Variants in CEP295 observed in about 807,000 individuals in gnomAD.
CEP295 encodes centrosomal protein 295, also known as centrosomal protein of 295 kDa.
Under a neutral mutation model 291.6 loss-of-function variants are expected in CEP295, and 190 were observed. That is an observed-to-expected ratio of 0.65 (90% CI 0.58 to 0.73). CEP295 has a LOEUF of 0.73. Ranked by LOEUF, CEP295 falls within the 30% of genes least tolerant of loss-of-function variation. The pLI, the probability that CEP295 is intolerant of heterozygous loss-of-function variation, is 0.00. For synonymous variants in CEP295, 993 were observed against 1,038.8 expected, an observed-to-expected ratio of 0.96 and a Z score of 0.85; for missense variants, 2,863 against 2,949.4, an observed-to-expected ratio of 0.97 and a Z score of 0.68.
intron 6 of CEP295, among the ~76,000 whole-genome samples, chr11:93,676,531 G>A (rs367999959): frequency 2.6e-5 from 4 of 151,828 alleles, no homozygotes; most frequent in African/African-American, 9.7e-5. Flanking sequence ...TTAATAGCAG[G>A]TATTAAAATA....
chr11:93,665,163 T>G (rs1030539823), intron 1 of CEP295, among the ~76,000 whole-genome samples: 4 of 152,168 alleles, frequency 2.6e-5, no homozygotes, highest in Non-Finnish European at 5.9e-5. Flanking sequence ...TGCCTGGTCA[T>G]TGTGAGGGAG....
At chr11:93,664,992 T>C (rs1442679073) in intron 1 of CEP295, among the ~76,000 whole-genome samples, 2 of 152,154 alleles carry the variant, frequency 1.3e-5, no homozygotes, top group Non-Finnish European at 2.9e-5. Context: ...CAAGACAACA[T>C]AAAATTAGTC....
intron 9 of CEP295, among the ~76,000 whole-genome samples, chr11:93,685,609 A>G (rs973053444): frequency 2.6e-5 from 4 of 152,256 alleles, no homozygotes; most frequent in Admixed American, 2.0e-4. Flanking sequence ...AGATGGTTTC[A>G]GGGCTGACTT....
chr11:93,726,937 GT>G, intron 23 of CEP295, 38 bp from the exon 24 acceptor site: 1 of 1,438,490 alleles, frequency 7.0e-7, no homozygotes, highest in Non-Finnish European at 9.2e-7. Flanking sequence ...TTTACAACAT[GT>G]AACGATGATT....
chr11:93,695,757 T>C lies in CEP295; in HGVS notation c.1671+123T>C, dbSNP rs982753567. ...TGGGCGCGGTGGCTCATGCCTGTAA[T>C]CTCAGCACTTTGGGTGGCCGAGACA... On this transcript the variant is annotated intron_variant, in intron 13 of 29. Coordinates refer to ENST00000325212, the MANE Select transcript of CEP295 (RefSeq NM_033395.2). The C allele has an allele frequency of 7.7e-6, 9 of 1,161,960 alleles. No homozygotes were observed. In the African/African-American group the frequency reaches 1.5e-4, roughly 19 times the overall value. 72.0% of individuals were successfully genotyped at this position (1,161,960 alleles called of 1,614,324 possible).
Position 93,695,532 on chromosome 11 carries a change from G to T in CEP295, c.1569G>T (p.Leu523Phe), listed in dbSNP as rs1444187572. The change falls in exon 13 of 30, where the codon TTG (leucine) becomes TTT (phenylalanine). Residue 523 changes from leucine (L) to phenylalanine (F), a missense_variant. This residue lies in a region of CEP295 where 14 missense variants were observed against 37.7 expected (regional missense o/e 0.37). Transcript: ENST00000325212. Reference sequence around the variant, plus strand: ...TAGAAGAGCAGAAGCAAAAGCAATTGGAATTACTTGAACAAATTGAACAGC... The same window carrying T: ...TAGAAGAGCAGAAGCAAAAGCAATTTGAATTACTTGAACAAATTGAACAGC... ...MEIEEQKQKQ[L>F]ELLEQIEQQK... 1 of 1,467,914 alleles carries T rather than the reference G, an allele frequency of 6.8e-7. No homozygotes were observed. Among genetic ancestry groups the T allele is most frequent in the Non-Finnish European group, 8.9e-7 (1 of 1,118,732 alleles). 90.9% of individuals were successfully genotyped at this position (1,467,914 alleles called of 1,614,324 possible).
chr11:93,667,046 A>T (rs1216328392), intron 2 of CEP295, among the ~76,000 whole-genome samples: 7 of 152,238 alleles, frequency 4.6e-5, no homozygotes, highest in Non-Finnish European at 4.4e-5. Flanking sequence ...TATTGAAAAT[A>T]GCTCTTTATC....
At position 93,698,905 on chromosome 11, in the gene CEP295, A is replaced by C; in HGVS notation, c.3993A>C (p.Pro1331=). The change falls in exon 15 of 30, where the codon CCA becomes CCC. Residue 1331 remains proline, a synonymous_variant. Coordinates refer to ENST00000325212, the MANE Select transcript of CEP295 (RefSeq NM_033395.2). ...SKIFSSHLQI[P]QLQDRLLRIS... ...TTTTTTCAAGCCACCTTCAGATCCC[A>C]CAATTGCAGGATAGGCTTTTGAGGA... 6.4e-7 allele frequency: 1 copy of C among 1,551,680 alleles called. No individual in the cohort carries two copies. The highest frequency in any genetic ancestry group is 8.7e-7 in the Non-Finnish European group (1 of 1,146,984).
chr11:93,721,386 G>A lies in CEP295; in HGVS notation c.5824G>A (p.Gly1942Ser). The change falls in exon 19 of 30, where the codon GGT becomes AGT. Residue 1942 changes from glycine to serine, a missense_variant. By Grantham distance (56) the Gly-to-Ser change is moderately conservative (BLOSUM62 0). Around this residue, in one of 3 missense-constraint regions of CEP295, gnomAD observed 2,295 missense variants for 2,335.7 expected, o/e 0.98. Coordinates refer to ENST00000325212, the MANE Select transcript of CEP295 (RefSeq NM_033395.2). Reference protein sequence around the residue: ...YAVEEEHAYLGPTVKPDDKAK... With the variant: ...YAVEEEHAYLSPTVKPDDKAK... ...TGTGGAGGAAGAACATGCATATTTG[G>A]GTCCAACTGTGAAGCCAGATGATAA... 6.3e-7 allele frequency: 1 copy of A among 1,586,360 alleles called. No homozygotes were observed. The highest frequency in any genetic ancestry group is 8.6e-7 in the Non-Finnish European group (1 of 1,163,272).
chr11:93,696,629 G>T, intron 14 of CEP295, 53 bp from the exon 15 acceptor site: 1 of 1,438,752 alleles, frequency 7.0e-7, no homozygotes, highest in Non-Finnish European at 9.2e-7. Flanking sequence ...ATAGACATGG[G>T]GCTTTTTATT....
chr11:93,683,784 G>T (rs1193831509), intron 8 of CEP295, 42 bp downstream of exon 8: 1 of 1,497,620 alleles, frequency 6.7e-7, no homozygotes, highest in South Asian at 1.3e-5. Context: ...GATTTTATAC[G>T]TTTTGGTGGG....
chr11:93,697,858 G>T lies in CEP295; in HGVS notation c.2946G>T (p.Leu982Phe). The T allele has an allele frequency of 3.2e-6, 5 of 1,551,682 alleles. No homozygotes were observed. Among genetic ancestry groups the T allele is most frequent in the Non-Finnish European group, 4.4e-6 (5 of 1,146,974 alleles). ...EVLYVHKQSE[L>F]DRRVCSEQAE... ...TGTATGTACATAAACAGAGTGAATT[G>T]GATAGAAGAGTATGTTCCGAACAGG... Residue 982 changes from leucine to phenylalanine, a missense_variant, in exon 15 of 30, where the codon TTG becomes TTT. Coordinates refer to ENST00000325212, the MANE Select transcript of CEP295 (RefSeq NM_033395.2).
intron 9 of CEP295, among the ~76,000 whole-genome samples, chr11:93,685,431 T>C (rs948410434): frequency 6.6e-6 from 1 of 152,222 alleles, no homozygotes; most frequent in African/African-American, 2.4e-5. Flanking sequence ...CAACTTTATG[T>C]AGGCCTCCTA....
At chr11:93,707,728 G>A (rs1332822129) in intron 18 of CEP295, among the ~76,000 whole-genome samples, 3 of 151,614 alleles carry the variant, frequency 2.0e-5, no homozygotes, top group East Asian at 1.9e-4. Flanking sequence ...CAGCCTGGGC[G>A]ACAGAGCGAG....
At chr11:93,691,603 T>C (rs1465668568) in intron 10 of CEP295, 80 bp from the exon 11 acceptor site, 5 of 884,678 alleles carry the variant, frequency 5.7e-6, no homozygotes, top group Non-Finnish European at 9.0e-6. Flanking sequence ...TTGAATGTGT[T>C]AATACCAGAA....
chr11:93,702,592 G>T lies in CEP295; in HGVS notation c.5407G>T (p.Asp1803Tyr), dbSNP rs1197009180. Residue 1803 changes from aspartate (D) to tyrosine (Y), a missense_variant, in exon 16 of 30, where the codon GAT (aspartate) becomes TAT (tyrosine). Around this residue, in one of 3 missense-constraint regions of CEP295, gnomAD observed 2,295 missense variants for 2,335.7 expected, o/e 0.98. Coordinates refer to ENST00000325212, the MANE Select transcript of CEP295 (RefSeq NM_033395.2). ...NIRHADRNNS[D>Y]DNHLASEDTS... ...TAGGCATGCAGATAGGAACAACTCT[G>T]ATGATAATCATTTGGCTTCAGAAGA... The T allele has an allele frequency of 1.9e-6, 3 of 1,549,978 alleles. No individual in the cohort carries two copies. The highest frequency in any genetic ancestry group is 2.6e-6 in the Non-Finnish European group (3 of 1,146,496).
At position 93,697,749 on chromosome 11, in the gene CEP295, A is replaced by T. The variant is rs761851182; in HGVS notation, c.2837A>T (p.Gln946Leu). The change falls in exon 15 of 30, where the codon CAG becomes CTG. Residue 946 changes from glutamine (Q) to leucine (L), a missense_variant. Around this residue, in one of 3 missense-constraint regions of CEP295, gnomAD observed 2,295 missense variants for 2,335.7 expected, o/e 0.98. Transcript: ENST00000325212. ...RLSLSQPILS[Q>L]QNNFKFLQEQ... ...AGTCTTTCACAGCCTATCCTATCACAGCAAAATAATTTTAAATTTCTCCAA... is the reference window on the plus strand; with the variant it reads ...AGTCTTTCACAGCCTATCCTATCACTGCAAAATAATTTTAAATTTCTCCAA... 1 of 1,551,712 alleles carries T rather than the reference A, an allele frequency of 6.4e-7. No homozygotes were observed.
intron 23 of CEP295, 115 bp downstream of exon 23, chr11:93,725,946 C>A: frequency 1.4e-6 from 1 of 731,158 alleles, no homozygotes. Context: ...TCACCCCTAT[C>A]CTGGGTGTTA....
At chr11:93,721,596 G>A (rs781030742) in intron 19 of CEP295, 184 bp downstream of exon 19, 3 of 759,978 alleles carry the variant, frequency 3.9e-6, no homozygotes, top group East Asian at 2.5e-5. Flanking sequence ...CAGTCTACCT[G>A]ATGCATGATC....
Sources: gnomAD v4.1 joint callset for allele counts (sites outside exome capture counted in the v4.1 genomes callset) on GRCh38, gnomAD v4.1.1 for gene constraint, gnomAD v4.1.1 regional missense constraint, MANE v1.5 for transcripts, NCBI Gene and HGNC (gene_info 2026-07-23, HGNC 2026-07-21) for gene names.